Variants in FAM110B observed in about 807,000 individuals in gnomAD.
FAM110B encodes the protein protein FAM110B.
Under a neutral mutation model 20.4 loss-of-function variants are expected in FAM110B, and 6 were observed. The observed-to-expected ratio is 0.29, with a 90% CI of 0.16 to 0.58. The LOEUF is 0.58. Ranked by LOEUF, FAM110B falls within the 20% of genes least tolerant of loss-of-function variation. FAM110B has a pLI of 0.90. For missense variants in FAM110B, 434 were observed against 498.2 expected, an observed-to-expected ratio of 0.87 and a Z score of 1.23; for synonymous variants, 226 against 214.1, an observed-to-expected ratio of 1.06 and a Z score of -0.49.
chr8:58,103,338 A>C, intron 3 of FAM110B, among the ~76,000 whole-genome samples: 1 of 111,260 alleles, frequency 9.0e-6, no homozygotes. Flanking sequence ...CCACCCCACA[A>C]CAGTCCCCAG....
At chr8:58,040,725 T>C (rs547480158) in intron 2 of FAM110B, among the ~76,000 whole-genome samples, 1 of 152,276 alleles carries the variant, frequency 6.6e-6, no homozygotes, top group African/African-American at 2.4e-5. Context: ...TACATTAAGG[T>C]AAGTGGAAAG....
At chr8:58,026,770 G>A (rs1388734244) in intron 1 of FAM110B, among the ~76,000 whole-genome samples, 2 of 152,004 alleles carry the variant, frequency 1.3e-5, no homozygotes, top group African/African-American at 4.8e-5. Context: ...TGCAGCTTCT[G>A]GTCATGTTTC....
intron 3 of FAM110B, among the ~76,000 whole-genome samples, chr8:58,118,929 G>T (rs1563376635): frequency 6.6e-6 from 1 of 152,150 alleles, no homozygotes; most frequent in Admixed American, 6.5e-5. Flanking sequence ...TTTTAACATT[G>T]CCTACAGACA....
In FAM110B at chr8:58,147,834, T is replaced by C. The variant is rs1803902551; in HGVS notation, c.*491T>C. The stretch of plus-strand genomic sequence containing the variant: ...GACCGAACATAGAACCAGGCTGGGT[T>C]TTCTGTGGAATAAAGTGGTGAGCCT... On this transcript the variant is annotated 3_prime_UTR_variant, in exon 4 of 4. Transcript: ENST00000519262. 5.8e-6 allele frequency: 1 copy of C among 172,696 alleles called. No individual in the cohort carries two copies. The highest frequency in any genetic ancestry group is 1.9e-4 in the South Asian group (1 of 5,336). The allele number at this position is 172,696 out of a possible 1,614,324, so 10.7% of individuals were successfully genotyped here.
intron 3 of FAM110B, among the ~76,000 whole-genome samples, chr8:58,103,279 G>A (rs1356696485): frequency 1.3e-5 from 2 of 151,562 alleles, no homozygotes; most frequent in East Asian, 1.9e-4. Context: ...CCACTAACTC[G>A]TCATCTAGCA....
chr8:58,052,345 A>G (rs1805464590), intron 2 of FAM110B, among the ~76,000 whole-genome samples: 1 of 152,206 alleles, frequency 6.6e-6, no homozygotes, highest in African/African-American at 2.4e-5. Flanking sequence ...GTAGAAACAG[A>G]TCATAGAAAG....
At chr8:58,080,627 G>T (rs1806164802) in intron 3 of FAM110B, among the ~76,000 whole-genome samples, 1 of 152,152 alleles carries the variant, frequency 6.6e-6, no homozygotes, top group Non-Finnish European at 1.5e-5. Flanking sequence ...AGTGAGCACT[G>T]GAGTGTCCTC....
intron 1 of FAM110B, among the ~76,000 whole-genome samples, chr8:57,997,694 T>C (rs569884395): frequency 3.9e-5 from 6 of 152,356 alleles, no homozygotes; most frequent in Admixed American, 6.5e-5. Flanking sequence ...TGCAAAGTCA[T>C]GACTCATCCA....
rs186196353 is a variant in FAM110B at position 58,081,631 on chromosome 8, A to G, written c.-325+6008A>G. Among the ~76,000 whole-genome samples, 379 of 152,126 alleles carry G rather than the reference A, an allele frequency of 2.5e-3. 1 individual carries two copies. The highest frequency in any genetic ancestry group is 4.4e-3 in the Non-Finnish European group (298 of 67,968). ...TCATCTGGGCTCTTCTGCTTACTCA[A>G]AGTCAGCGTCTGTTATTCTGCTCAT... On this transcript the variant is annotated intron_variant, in intron 3 of 3. Coordinates refer to ENST00000519262, the MANE Select transcript of FAM110B (RefSeq NM_001377989.1).
intron 3 of FAM110B, among the ~76,000 whole-genome samples, chr8:58,108,767 C>T (rs1806981753): frequency 6.6e-6 from 1 of 152,152 alleles, no homozygotes; most frequent in Admixed American, 6.5e-5. Flanking sequence ...AGGGCCTGTC[C>T]CGGTCTCCCA....
intron 3 of FAM110B, among the ~76,000 whole-genome samples, chr8:58,077,571 T>TA (rs1300786299): frequency 6.6e-6 from 1 of 152,174 alleles, no homozygotes; most frequent in Non-Finnish European, 1.5e-5. Context: ...TGGTTTGCTT[T>TA]ATTTCTGTGA....
chr8:58,125,666 A>G (rs1243790816), intron 3 of FAM110B, among the ~76,000 whole-genome samples: 2 of 152,238 alleles, frequency 1.3e-5, no homozygotes. Context: ...ATATTAAAAT[A>G]TGACAAATGT....
At chr8:58,098,406 A>C (rs1806688957) in intron 3 of FAM110B, among the ~76,000 whole-genome samples, 3 of 152,212 alleles carry the variant, frequency 2.0e-5, no homozygotes, top group African/African-American at 7.2e-5. Flanking sequence ...ACCAAGCTCG[A>C]GTGTCCCGGG....
In FAM110B at chr8:58,051,334, T is replaced by C. The variant is rs1585843590; in HGVS notation, c.-414+19631T>C. Among the ~76,000 whole-genome samples the C allele has an allele frequency of 2.6e-5, 4 of 152,174 alleles. No homozygotes were observed. In the South Asian group the frequency reaches 6.2e-4, roughly 24 times the overall value. Reference sequence around the variant, plus strand: ...GTTTTGAGCAGATTAACCTTGAAGCTGTGTGGATGGTAAGAGGGGAGAAGC... The same window carrying C: ...GTTTTGAGCAGATTAACCTTGAAGCCGTGTGGATGGTAAGAGGGGAGAAGC... On this transcript the variant is annotated intron_variant, in intron 2 of 3. Coordinates refer to ENST00000519262, the MANE Select transcript of FAM110B (RefSeq NM_001377989.1).
chr8:58,136,114 C>T (rs552444557), intron 3 of FAM110B, among the ~76,000 whole-genome samples: 5 of 146,778 alleles, frequency 3.4e-5, no homozygotes, highest in African/African-American at 1.0e-4. Flanking sequence ...CAGGCTCAAG[C>T]GATTTTCCTG....
intron 1 of FAM110B, among the ~76,000 whole-genome samples, chr8:58,012,874 C>G (rs1804566775): frequency 6.6e-6 from 1 of 152,126 alleles, no homozygotes; most frequent in Non-Finnish European, 1.5e-5. Flanking sequence ...GTCCCGGTAT[C>G]CTCCCCAGTC....
At chr8:58,083,491 A>G (rs1563363692) in intron 3 of FAM110B, among the ~76,000 whole-genome samples, 1 of 152,162 alleles carries the variant, frequency 6.6e-6, no homozygotes, top group Non-Finnish European at 1.5e-5. Context: ...TTATTTATTC[A>G]TTTTTTAAAT....
In FAM110B at chr8:58,077,828, A is replaced by G. The variant is rs116792792; in HGVS notation, c.-325+2205A>G. On this transcript the variant is annotated intron_variant, in intron 3 of 3. Transcript: ENST00000519262. ...CAGGAAAGTTAGAAAGAACTTAGCC[A>G]TGTGACTTACCAACACAGTGTCAGT... Among the ~76,000 whole-genome samples, 739 of 152,322 alleles carry G rather than the reference A, an allele frequency of 4.9e-3. 6 individuals are homozygous for G. The highest frequency in any genetic ancestry group is 0.017 in the African/African-American group (714 of 41,568).
chr8:58,012,533 C>T (rs1011967481), intron 1 of FAM110B, among the ~76,000 whole-genome samples: 1 of 151,686 alleles, frequency 6.6e-6, no homozygotes. Context: ...TTATTGAGTC[C>T]TAGGGGAAAA....
Sources: allele counts gnomAD v4.1 joint callset (sites outside exome capture counted in the v4.1 genomes callset), GRCh38; gene constraint gnomAD v4.1.1; transcripts MANE v1.5; gene names NCBI Gene and HGNC (gene_info 2026-07-23, HGNC 2026-07-21).